The following GPR139 variants were observed in gnomAD, a reference collection of about 807,000 sequenced individuals.
GPR139 encodes the protein probable G protein-coupled receptor 139.
GPR139 carries 12 observed loss-of-function variants against 25.8 expected under a neutral mutation model. The observed-to-expected ratio is 0.47, with a 90% confidence interval of 0.30 to 0.75. The LOEUF is 0.75. GPR139 is among the 30% of genes least tolerant of loss of function. The pLI, the probability that GPR139 is intolerant of heterozygous loss-of-function variation, is 0.07. For synonymous variants in GPR139, 184 were observed against 179.9 expected (o/e 1.02, Z -0.18); for missense variants, 380 against 450.2 (o/e 0.84, Z 1.41).
intron 1 of GPR139, among the ~76,000 whole-genome samples, chr16:20,059,970 C>T (rs1265168676): frequency 6.6e-6 from 1 of 152,148 alleles, no homozygotes; most frequent in African/African-American, 2.4e-5. Flanking sequence ...AAGGTGGAAC[C>T]ACGGTCTGTG....
At chr16:20,064,206 C>A (rs1246862675) in intron 1 of GPR139, among the ~76,000 whole-genome samples, 2 of 152,280 alleles carry the variant, frequency 1.3e-5, no homozygotes, top group Non-Finnish European at 1.5e-5. Flanking sequence ...ACATTCCTAG[C>A]TCTGCAGATT....
At chr16:20,047,137 G>C (rs927625814) in intron 1 of GPR139, among the ~76,000 whole-genome samples, 3 of 150,944 alleles carry the variant, frequency 2.0e-5, no homozygotes, top group Admixed American at 2.0e-4. Context: ...TTGAGGTGGA[G>C]TCTCGCTTTT....
At chr16:20,060,618 A>G (rs1052018552) in intron 1 of GPR139, among the ~76,000 whole-genome samples, 1 of 152,192 alleles carries the variant, frequency 6.6e-6, no homozygotes, top group African/African-American at 2.4e-5. Context: ...ACAAGTGGAG[A>G]AAGAAAAGAA....
At position 20,031,511 on chromosome 16, in the gene GPR139, T is replaced by C. The variant is rs557452569; in HGVS notation, c.*224A>G. ...TCTTCAAACTGGTAGGAGCTTTTGC[T>C]GTCATTACGACTCTGTGGAAATAAA... On this transcript the variant is annotated 3_prime_UTR_variant, in exon 2 of 2. Coordinates refer to ENST00000570682, the MANE Select transcript of GPR139 (RefSeq NM_001002911.4). 22 of 552,078 alleles carry C rather than the reference T, an allele frequency of 4.0e-5. No homozygotes were observed. The Admixed American group carries it at 5.3e-4, about 13-fold the overall frequency. 34.2% of individuals were successfully genotyped at this position (552,078 alleles called of 1,614,324 possible).
intron 1 of GPR139, among the ~76,000 whole-genome samples, chr16:20,047,113 T>TG (rs2057356826): frequency 6.7e-6 from 1 of 149,206 alleles, no homozygotes; most frequent in African/African-American, 2.5e-5. Flanking sequence ...TTAGGGATTT[T>TG]TTTTTTGTTT....
chr16:20,038,327 ATATGTGTG>A (rs2057317946), intron 1 of GPR139, among the ~76,000 whole-genome samples: 2 of 81,500 alleles, frequency 2.5e-5, no homozygotes, highest in African/African-American at 9.6e-5. Context: ...GATAATATAT[ATATGTGTG>A]TGTGTGTGTG....
intron 1 of GPR139, among the ~76,000 whole-genome samples, chr16:20,062,069 A>G (rs937531261): frequency 1.3e-5 from 2 of 152,162 alleles, no homozygotes; most frequent in Admixed American, 1.3e-4. Flanking sequence ...GGAGTTTGAG[A>G]TCAGCCTGGG....
intron 1 of GPR139, among the ~76,000 whole-genome samples, chr16:20,059,982 G>A (rs552021223): frequency 5.3e-5 from 8 of 152,276 alleles, no homozygotes; most frequent in Admixed American, 2.0e-4. Flanking sequence ...CGGTCTGTGA[G>A]GGTCAGGAGT....
intron 1 of GPR139, among the ~76,000 whole-genome samples, chr16:20,066,286 G>A (rs1437285170): frequency 6.6e-6 from 1 of 152,220 alleles, no homozygotes; most frequent in African/African-American, 2.4e-5. Flanking sequence ...GACCCTTTCT[G>A]TTCATGATTC....
At chr16:20,048,363 G>A (rs909464598) in intron 1 of GPR139, among the ~76,000 whole-genome samples, 1 of 152,166 alleles carries the variant, frequency 6.6e-6, no homozygotes, top group Non-Finnish European at 1.5e-5. Context: ...GCCCAACCAT[G>A]TACCAGAGCC....
rs2057284350 is a variant in GPR139 at position 20,030,632 on chromosome 16, G to A, written c.*1103C>T. On this transcript the variant is annotated 3_prime_UTR_variant, in exon 2 of 2. Coordinates refer to ENST00000570682, the MANE Select transcript of GPR139 (RefSeq NM_001002911.4). ...GAGCCATGTGCGTCAAAGGGCAGACGAGGCGTCAGCATGGGCACCTTTTGT... is the reference window on the plus strand; with the variant it reads ...GAGCCATGTGCGTCAAAGGGCAGACAAGGCGTCAGCATGGGCACCTTTTGT... Among the ~76,000 whole-genome samples, 1 of 152,246 alleles carries A rather than the reference G, an allele frequency of 6.6e-6. No homozygotes were observed. Among genetic ancestry groups the A allele is most frequent in the Admixed American group, 6.5e-5 (1 of 15,290 alleles).
intron 1 of GPR139, among the ~76,000 whole-genome samples, chr16:20,042,251 T>A (rs534649331): frequency 6.6e-6 from 1 of 152,286 alleles, no homozygotes; most frequent in Admixed American, 6.5e-5. Context: ...TCAGAAAACA[T>A]TAGCTATCGT....
In GPR139 at chr16:20,050,910, A is replaced by C. The variant is rs537956106; in HGVS notation, c.128-18241T>G. Among the ~76,000 whole-genome samples, 12 of 152,122 alleles carry C rather than the reference A, an allele frequency of 7.9e-5. No individual in the cohort carries two copies. The South Asian group carries it at 2.5e-3, about 32-fold the overall frequency. On this transcript the variant is annotated intron_variant, in intron 1 of 1. Transcript: ENST00000570682. ...GACTCCATCTCTACAAAAATACAAAAAAATTAGCCAGGTGCAGTGTCAAGT... is the reference window on the plus strand; with the variant it reads ...GACTCCATCTCTACAAAAATACAAACAAATTAGCCAGGTGCAGTGTCAAGT...
chr16:20,063,056 G>A (rs1186234744), intron 1 of GPR139, among the ~76,000 whole-genome samples: 3 of 152,168 alleles, frequency 2.0e-5, no homozygotes, highest in Non-Finnish European at 4.4e-5. Context: ...TTGAGTATGT[G>A]ATTTTAGTTG....
At chr16:20,034,873 T>C (rs2057304565) in intron 1 of GPR139, among the ~76,000 whole-genome samples, 1 of 152,072 alleles carries the variant, frequency 6.6e-6, no homozygotes, top group African/African-American at 2.4e-5. Flanking sequence ...TTATTTATAA[T>C]TTATTATATT....
intron 1 of GPR139, among the ~76,000 whole-genome samples, chr16:20,055,761 C>G (rs943075600): frequency 4.6e-5 from 7 of 152,234 alleles, no homozygotes; most frequent in African/African-American, 1.7e-4. Flanking sequence ...TTCCCAAAAA[C>G]ACTATTAAAA....
rs536908210 is a variant in GPR139 at position 20,072,788 on chromosome 16, A to G, written c.127+702T>C. On this transcript the variant is annotated intron_variant, in intron 1 of 1. Coordinates refer to ENST00000570682, the MANE Select transcript of GPR139 (RefSeq NM_001002911.4). ...GGTGGGTAGACCTGGAGGCCAAGCCAGGGGGCCAGGCATGTCCTCAAGGAG... is the reference window on the plus strand; with the variant it reads ...GGTGGGTAGACCTGGAGGCCAAGCCGGGGGGCCAGGCATGTCCTCAAGGAG... Among the ~76,000 whole-genome samples the G allele has an allele frequency of 2.6e-4, 40 of 152,274 alleles. No homozygotes were observed. In the South Asian group the frequency reaches 6.2e-3, roughly 24 times the overall value.
intron 1 of GPR139, among the ~76,000 whole-genome samples, chr16:20,062,403 C>G (rs1385877684): frequency 2.6e-5 from 4 of 152,166 alleles, no homozygotes; most frequent in Non-Finnish European, 5.9e-5. Context: ...AGGGCCCTTC[C>G]CAGAGCCTGA....
intron 1 of GPR139, among the ~76,000 whole-genome samples, chr16:20,037,047 G>T (rs376713812): frequency 2.3e-4 from 35 of 152,256 alleles, no homozygotes; most frequent in African/African-American, 8.4e-4. Context: ...ACACGCAAAT[G>T]CACAACAGAA....
Sources: allele counts gnomAD v4.1 joint callset (sites outside exome capture counted in the v4.1 genomes callset), GRCh38; gene constraint gnomAD v4.1.1; transcripts MANE v1.5; gene names NCBI Gene and HGNC (gene_info 2026-07-23, HGNC 2026-07-21).